Variants in PPFIA4 observed in about 807,000 individuals in gnomAD.
PPFIA4 encodes the protein PPFI scaffold protein A4, also known as liprin-alpha-4.
In PPFIA4, 98 loss-of-function variants were observed where a neutral mutation model predicts 145.7. The ratio of observed to expected loss-of-function variants is 0.67; its 90% CI spans 0.57 to 0.80. The LOEUF (loss-of-function observed/expected upper bound fraction) is 0.80, where lower values mean the gene tolerates loss of function less well. Among genes scored for constraint, PPFIA4 ranks in the 30% least tolerant of loss-of-function variants. PPFIA4 has a pLI of 0.00. For missense variants in PPFIA4, 1,457 were observed against 1,632.7 expected (o/e 0.89, Z 1.85); for synonymous variants, 628 against 649.6 (o/e 0.97, Z 0.51).
chr1:203,062,050 G>A (rs1426347256), intron 24 of PPFIA4, among the ~76,000 whole-genome samples: 1 of 152,104 alleles, frequency 6.6e-6, no homozygotes, highest in African/African-American at 2.4e-5. Context: ...ATGAGCAAAC[G>A]TTTATTGAGC....
At chr1:203,035,704 G>A (rs992243420) in intron 1 of PPFIA4, 2 of 455,792 alleles carry the variant, frequency 4.4e-6, no homozygotes, top group Non-Finnish European at 8.8e-6. Flanking sequence ...GATGATAATT[G>A]CGCTATTTAA....
chr1:203,045,600 AG>A, intron 7 of PPFIA4, 41 bp downstream of exon 7: 1 of 1,515,718 alleles, frequency 6.6e-7, no homozygotes, highest in South Asian at 1.3e-5. Flanking sequence ...CTCATTGTGG[AG>A]CGTGTGGAGG....
chr1:203,059,366 A>G, intron 20 of PPFIA4, 95 bp downstream of exon 20: 1 of 1,094,002 alleles, frequency 9.1e-7, no homozygotes, highest in Non-Finnish European at 1.4e-6. Flanking sequence ...TCAGAGACCC[A>G]GACCCCAGCA....
chr1:203,059,099 C>A, intron 19 of PPFIA4, 79 bp from the exon 20 acceptor site: 1 of 1,180,598 alleles, frequency 8.5e-7, no homozygotes, highest in Non-Finnish European at 1.2e-6. Flanking sequence ...CCTCCTGCTG[C>A]TTCTGTTCCC....
At position 203,048,609 on chromosome 1, in the gene PPFIA4, G is replaced by T; in HGVS notation, c.1251G>T (p.Glu417Asp). Residue 417 changes from glutamate (E) to aspartate (D), a missense_variant, in exon 11 of 30, where the codon GAG becomes GAT. Transcript: ENST00000295706. The surrounding 1 kb of genome is among the most constrained non-coding windows in gnomAD (Gnocchi z 5.8). ...ARVRQREKMN[E>D]DHNKRLSDTV... ...TGCGCCAGCGGGAAAAGATGAATGA[G>T]GACCACAACAAGCGGCTGTCGGACA... 6.3e-7 allele frequency: 1 copy of T among 1,595,318 alleles called. No homozygotes were observed. The highest frequency in any genetic ancestry group is 8.5e-7 in the Non-Finnish European group (1 of 1,171,776).
rs754107477 is a variant in PPFIA4 at position 203,055,456 on chromosome 1, C to T, written c.1854C>T (p.Ser618=). 51 of 1,613,860 alleles carry T rather than the reference C, an allele frequency of 3.2e-5. No homozygotes were observed. The highest frequency in any genetic ancestry group is 4.2e-5 in the Non-Finnish European group (49 of 1,179,894). Residue 618 remains serine, a synonymous_variant, in exon 16 of 30, where the codon TCC becomes TCT. Transcript: ENST00000295706. The surrounding 1 kb of genome is among the most constrained non-coding windows in gnomAD (Gnocchi z 4.8). ...EIRMIQEEKE[S]TELRAEEIET... ...GGATGATTCAGGAAGAGAAGGAGTC[C>T]ACGGAGCTCCGCGCGGAGGAGATTG...
intron 27 of PPFIA4, among the ~76,000 whole-genome samples, chr1:203,070,125 A>G (rs1377761950): frequency 2.6e-5 from 4 of 152,004 alleles, no homozygotes; most frequent in Non-Finnish European, 5.9e-5. Context: ...TTGATTTCCT[A>G]TCTCTAATGC....
chr1:203,063,821 T>A lies in PPFIA4; in HGVS notation c.2875-7T>A. On this transcript the variant is annotated splice_polypyrimidine_tract_variant and splice_region_variant and intron_variant, in intron 24 of 29. Transcript: ENST00000295706. ...CCATAATAGCCTCCTGCATCTCATT[T>A]CCCTAGACCCTGGCCTATGGGGACA... 6.2e-7 allele frequency: 1 copy of A among 1,613,816 alleles called. No individual in the cohort carries two copies.
At position 203,076,328 on chromosome 1, in the gene PPFIA4, C is replaced by T. The variant is rs1299649361; in HGVS notation, c.3575-13C>T. ...GCCTCACAGTGCGATGCCTGTCTCT[C>T]TCTCTCCCTCAGCTCACTCCCACTA... On this transcript the variant is annotated splice_polypyrimidine_tract_variant and intron_variant, in intron 29 of 29. Coordinates refer to ENST00000295706, the MANE Select transcript of PPFIA4 (RefSeq NM_001304331.2). 3 of 1,603,296 alleles carry T rather than the reference C, an allele frequency of 1.9e-6. No individual in the cohort carries two copies. The highest frequency in any genetic ancestry group is 1.7e-6 in the Non-Finnish European group (2 of 1,179,284).
Position 203,056,525 on chromosome 1 carries a change from C to A in PPFIA4, c.2240+17C>A. On this transcript the variant is annotated intron_variant, in intron 18 of 29. Coordinates refer to ENST00000295706, the MANE Select transcript of PPFIA4 (RefSeq NM_001304331.2). ...AGGCAAGAGGTAAGTAGAGCAGACCCCACCTCCAGTCTCTCCATCCACAGG... is the reference window on the plus strand; with the variant it reads ...AGGCAAGAGGTAAGTAGAGCAGACCACACCTCCAGTCTCTCCATCCACAGG... 2.5e-6 allele frequency: 4 copies of A among 1,610,806 alleles called. No homozygotes were observed. Among genetic ancestry groups the A allele is most frequent in the Non-Finnish European group, 3.4e-6 (4 of 1,178,566 alleles).
At chr1:203,030,500 G>A (rs1448586750) in intron 1 of PPFIA4, among the ~76,000 whole-genome samples, 4 of 152,208 alleles carry the variant, frequency 2.6e-5, no homozygotes, top group Non-Finnish European at 4.4e-5. Flanking sequence ...ATGGTGCAGT[G>A]CATCCCTGAT....
At position 203,071,699 on chromosome 1, in the gene PPFIA4, A is replaced by G. The variant is rs1317005080; in HGVS notation, c.3332A>G (p.Gln1111Arg). 4.3e-6 allele frequency: 7 copies of G among 1,611,774 alleles called. No homozygotes were observed. The highest frequency in any genetic ancestry group is 4.2e-6 in the Non-Finnish European group (5 of 1,178,534). The change falls in exon 28 of 30, where the codon CAA becomes CGA. Residue 1111 changes from glutamine to arginine, a missense_variant. Coordinates refer to ENST00000295706, the MANE Select transcript of PPFIA4 (RefSeq NM_001304331.2). Reference protein sequence around the residue: ...QIPTQNTQARQVMEREFNNLL... With the variant: ...QIPTQNTQARRVMEREFNNLL... Reference sequence around the variant, plus strand: ...CTGCTCTATGGACTGCAGGCACGCCAAGTGATGGAAAGAGAGTTCAATAAC... The same window carrying G: ...CTGCTCTATGGACTGCAGGCACGCCGAGTGATGGAAAGAGAGTTCAATAAC...
At chr1:203,039,908 C>T (rs747377438) in intron 2 of PPFIA4, among the ~76,000 whole-genome samples, 4 of 152,316 alleles carry the variant, frequency 2.6e-5, no homozygotes, top group South Asian at 2.1e-4. Flanking sequence ...GTAAGTTGCT[C>T]GTGGCCATGC....
In PPFIA4 at chr1:203,049,668, T is replaced by C; in HGVS notation, c.1420-8T>C. On this transcript the variant is annotated splice_region_variant and splice_polypyrimidine_tract_variant and intron_variant, in intron 12 of 29. Coordinates refer to ENST00000295706, the MANE Select transcript of PPFIA4 (RefSeq NM_001304331.2). ...ACTCCCGCCCCCACCCCGGGTCTGC[T>C]GGCACAGGGCCGCCTGTCTGAAGAG... The C allele has an allele frequency of 6.7e-7, 1 of 1,490,412 alleles. No homozygotes were observed. The highest frequency in any genetic ancestry group is 9.0e-7 in the Non-Finnish European group (1 of 1,111,046). The allele number at this position is 1,490,412 out of a possible 1,614,324, so 92.3% of individuals were successfully genotyped here.
At chr1:203,035,220 GCC>G (rs1331029711) in intron 1 of PPFIA4, 3 of 448,078 alleles carry the variant, frequency 6.7e-6, no homozygotes, top group Non-Finnish European at 1.3e-5. Flanking sequence ...CAGCTGAATA[GCC>G]CCTCAGACGC....
At chr1:203,065,203 A>G (rs140700445) in intron 25 of PPFIA4, among the ~76,000 whole-genome samples, 137 of 152,342 alleles carry the variant, frequency 9.0e-4, no homozygotes, top group African/African-American at 3.0e-3. Context: ...CGCTGACTCA[A>G]GTCCAGTGCT....
rs370754767 is a variant in PPFIA4, at chr1:203,039,082, A to G, written c.74A>G (p.Asn25Ser). The change falls in exon 2 of 30, where the codon AAC becomes AGC. Residue 25 changes from asparagine to serine, a missense_variant. This residue lies in a region of PPFIA4 where 463 missense variants were observed against 459.8 expected (regional missense o/e 1.01). Transcript: ENST00000295706. ...CCTCATGGCGCCGATGCTGACGCCAACTTCGAGCAGCTGATGGTGAACATG... is the reference window on the plus strand; with the variant it reads ...CCTCATGGCGCCGATGCTGACGCCAGCTTCGAGCAGCTGATGGTGAACATG... Reference protein sequence around the residue: ...GPPHGADADANFEQLMVNMLD... With the variant: ...GPPHGADADASFEQLMVNMLD... 16 of 1,606,332 alleles carry G rather than the reference A, an allele frequency of 1.0e-5. No individual in the cohort carries two copies. The South Asian group carries it at 1.1e-4, about 11-fold the overall frequency.
intron 27 of PPFIA4, among the ~76,000 whole-genome samples, chr1:203,070,966 T>C (rs1440192064): frequency 6.6e-6 from 1 of 151,778 alleles, no homozygotes; most frequent in Non-Finnish European, 1.5e-5. Flanking sequence ...TTTTTTTTTT[T>C]TCTTAGAGAC....
In PPFIA4 at chr1:203,063,927, G is replaced by A. The variant is rs1466708950; in HGVS notation, c.2974G>A (p.Val992Met). The A allele has an allele frequency of 6.2e-7, 1 of 1,613,960 alleles. No individual in the cohort carries two copies. The highest frequency in any genetic ancestry group is 2.2e-5 in the East Asian group (1 of 44,894). Residue 992 changes from valine to methionine, a missense_variant, in exon 25 of 30, where the codon GTG becomes ATG. Coordinates refer to ENST00000295706, the MANE Select transcript of PPFIA4 (RefSeq NM_001304331.2). ...QYRSYFMECL[V>M]DARMLDHLTK... ...CCGCAGCTACTTCATGGAGTGCCTGGTGGACGCCCGCATGCTGGACCACCT... is the reference window on the plus strand; with the variant it reads ...CCGCAGCTACTTCATGGAGTGCCTGATGGACGCCCGCATGCTGGACCACCT...
Sources: allele counts gnomAD v4.1 joint callset (sites outside exome capture counted in the v4.1 genomes callset), GRCh38; gene constraint gnomAD v4.1.1; regional missense constraint gnomAD v4.1.1; non-coding constraint Gnocchi (gnomAD v3.1); transcripts MANE v1.5; gene names NCBI Gene and HGNC (gene_info 2026-07-23, HGNC 2026-07-21).